Variants in KCNU1 observed in about 807,000 individuals in gnomAD.
The protein encoded by KCNU1 is potassium calcium-activated channel subfamily U member 1, also known as potassium channel subfamily U member 1.
A neutral mutation model predicts 126.8 loss-of-function variants in KCNU1; 93 were observed. The ratio of observed to expected loss-of-function variants is 0.73; its 90% CI spans 0.62 to 0.87. KCNU1 has a LOEUF of 0.87. Among genes scored for constraint, KCNU1 ranks in the 40% least tolerant of loss-of-function variants. The pLI is 0.00. For synonymous variants in KCNU1, 523 were observed against 494.2 expected (o/e 1.06, Z -0.77); for missense variants, 1,330 against 1,367.1 (o/e 0.97, Z 0.43).
intron 22 of KCNU1, among the ~76,000 whole-genome samples, chr8:36,912,391 G>A (rs982612176): frequency 2.0e-5 from 3 of 152,184 alleles, no homozygotes; most frequent in Non-Finnish European, 4.4e-5. Flanking sequence ...AACCAATCCT[G>A]ACCCAGAGAC....
In KCNU1 at chr8:36,901,403, GA is replaced by G. The variant is rs575022926; in HGVS notation, c.2010-4303del. Among the ~76,000 whole-genome samples, 3 of 152,212 alleles carry G rather than the reference GA, an allele frequency of 2.0e-5. No individual in the cohort carries two copies. In the South Asian group the frequency reaches 6.2e-4, roughly 32 times the overall value. On this transcript the variant is annotated intron_variant, in intron 19 of 26. Transcript: ENST00000399881. ...AGGATAAGTTGCTAGGAACATGGGA[GA>G]ATAGAAGTTCTATTCAGAATGGTCG... is the stretch of plus-strand genomic sequence containing the variant.
intron 2 of KCNU1, among the ~76,000 whole-genome samples, chr8:36,800,565 C>T (rs900705574): frequency 2.3e-4 from 35 of 152,350 alleles, no homozygotes; most frequent in African/African-American, 8.4e-4. Flanking sequence ...GGTGTCTCCT[C>T]TCGGCCACTA....
chr8:36,894,873 G>A (rs1249373290), intron 19 of KCNU1, among the ~76,000 whole-genome samples: 2 of 152,050 alleles, frequency 1.3e-5, no homozygotes, highest in Non-Finnish European at 1.5e-5. Context: ...AAAGACTATA[G>A]TCCTTATTGT....
chr8:36,907,691 C>T (rs572939603), intron 20 of KCNU1, among the ~76,000 whole-genome samples: 1 of 152,252 alleles, frequency 6.6e-6, no homozygotes, highest in African/African-American at 2.4e-5. Flanking sequence ...TCCTGTTAGA[C>T]TTCATCAATG....
At chr8:36,804,899 A>G (rs1331394870) in intron 3 of KCNU1, among the ~76,000 whole-genome samples, 1 of 152,186 alleles carries the variant, frequency 6.6e-6, no homozygotes, top group Non-Finnish European at 1.5e-5. Context: ...GAAGAGCCTC[A>G]TCATCTCTCT....
chr8:36,918,688 G>A (rs1053692151), intron 22 of KCNU1, 135 bp from the exon 23 acceptor site: 15 of 650,116 alleles, frequency 2.3e-5, no homozygotes, highest in Non-Finnish European at 3.5e-5. Context: ...TCTAAACATA[G>A]TAAAGGATTT....
At chr8:36,883,040 A>C (rs1188929376) in intron 19 of KCNU1, among the ~76,000 whole-genome samples, 1 of 152,096 alleles carries the variant, frequency 6.6e-6, no homozygotes, top group African/African-American at 2.4e-5. Flanking sequence ...TGAATGAGTC[A>C]TCAAAGTTCT....
intron 22 of KCNU1, among the ~76,000 whole-genome samples, chr8:36,917,832 A>C (rs1328337118): frequency 6.6e-6 from 1 of 152,188 alleles, no homozygotes; most frequent in Non-Finnish European, 1.5e-5. Context: ...CTCCGAAGAC[A>C]GGAGGGAAAT....
At chr8:36,789,233 G>A (rs1802816692) in intron 2 of KCNU1, among the ~76,000 whole-genome samples, 1 of 152,052 alleles carries the variant, frequency 6.6e-6, no homozygotes, top group Non-Finnish European at 1.5e-5. Context: ...GCCTGCACCT[G>A]TGGTCCCACC....
chr8:36,841,034 G>GTTTTTTTTTTTT, intron 16 of KCNU1, 31 bp downstream of exon 16: 2 of 562,560 alleles, frequency 3.6e-6, no homozygotes, highest in South Asian at 2.5e-5. Context: ...CTCTTCAGTT[G>GTTTTTTTTTTTT]TTTTTTTTTT....
chr8:36,877,348 G>T lies in KCNU1; in HGVS notation c.2009+12827G>T, dbSNP rs796576910. 4.0e-5 allele frequency among the ~76,000 whole-genome samples: 6 copies of T among 151,358 alleles called. 1 individual carries two copies. The highest frequency in any genetic ancestry group is 1.5e-4 in the African/African-American group (6 of 41,168). On this transcript the variant is annotated intron_variant, in intron 19 of 26. Coordinates refer to ENST00000399881, the MANE Select transcript of KCNU1 (RefSeq NM_001031836.3). ...ATGGAGTTTCACTCTTGTCGCCCAG[G>T]CTAGAGTGCAATGGCATGGTCTTGG...
chr8:36,806,864 A>G (rs918300956), intron 5 of KCNU1, among the ~76,000 whole-genome samples: 4 of 152,200 alleles, frequency 2.6e-5, no homozygotes, highest in Non-Finnish European at 5.9e-5. Context: ...ATGATTTATT[A>G]TCTATAAAAT....
intron 2 of KCNU1, among the ~76,000 whole-genome samples, chr8:36,792,521 C>T (rs1802939721): frequency 6.6e-6 from 1 of 152,152 alleles, no homozygotes; most frequent in Admixed American, 6.5e-5. Context: ...TCCAACTTTC[C>T]TAGGTTCTAC....
chr8:36,840,700 G>T, intron 15 of KCNU1, 125 bp downstream of exon 15: 1 of 706,332 alleles, frequency 1.4e-6, no homozygotes, highest in South Asian at 1.8e-5. Context: ...ACAGCCCAGG[G>T]TCCCTGAAAC....
chr8:36,821,160 C>T (rs977197155), intron 10 of KCNU1, among the ~76,000 whole-genome samples: 3 of 152,138 alleles, frequency 2.0e-5, no homozygotes, highest in Admixed American at 6.6e-5. Context: ...GAAGTATAAA[C>T]ATAGACCTTT....
At chr8:36,921,659 G>GAA (rs58109120) in intron 23 of KCNU1, among the ~76,000 whole-genome samples, 7 of 97,718 alleles carry the variant, frequency 7.2e-5, no homozygotes, top group Admixed American at 1.0e-4. Context: ...ATGAAGTGAG[G>GAA]AAAAAAAAAA....
chr8:36,805,307 G>A, intron 4 of KCNU1, 22 bp downstream of exon 4: 1 of 1,416,022 alleles, frequency 7.1e-7, no homozygotes, highest in Non-Finnish European at 9.9e-7. Context: ...TTGAAAGTGG[G>A]AGTGAATATC....
intron 14 of KCNU1, among the ~76,000 whole-genome samples, chr8:36,837,177 A>G (rs1804782036): frequency 6.6e-6 from 1 of 152,158 alleles, no homozygotes; most frequent in African/African-American, 2.4e-5. Flanking sequence ...TCTACAAAAC[A>G]GAAAAAATAT....
Position 36,840,932 on chromosome 8 carries a change from G to C in KCNU1, c.1632G>C (p.Arg544=), listed in dbSNP as rs1804927017. The C allele has an allele frequency of 1.2e-6, 2 of 1,610,868 alleles. No individual in the cohort carries two copies. The highest frequency in any genetic ancestry group is 8.5e-7 in the Non-Finnish European group (1 of 1,177,528). ...FAGMSFPEVA[R]LCFLKMHLLL... is the part of the protein sequence containing the mutation. ...TTTGACTCCTCGTCTTCCTTCCCAG[G>C]CTCTGCTTTCTGAAGATGCACCTCC... The change falls in exon 16 of 27, where the codon CGG becomes CGC. Residue 544 remains arginine (R), a splice_region_variant and synonymous_variant. Transcript: ENST00000399881.
Sources: gnomAD v4.1 joint callset for allele counts (sites outside exome capture counted in the v4.1 genomes callset) on GRCh38, gnomAD v4.1.1 for gene constraint, MANE v1.5 for transcripts, NCBI Gene and HGNC (gene_info 2026-07-23, HGNC 2026-07-21) for gene names.